RGS7: variants seen among roughly 807,000 people sequenced by gnomAD.
The protein encoded by RGS7 is regulator of G-protein signaling 7.
RGS7 carries 27 observed loss-of-function variants against 81.1 expected under a neutral mutation model. The ratio of observed to expected loss-of-function variants is 0.33; its 90% confidence interval spans 0.25 to 0.46. The LOEUF (loss-of-function observed/expected upper bound fraction) is 0.46, where lower values mean the gene tolerates loss of function less well. RGS7 is among the 20% of genes least tolerant of loss of function. RGS7 has a pLI of 1.00. For missense variants in RGS7, 396 were observed against 607.4 expected (o/e 0.65, Z 3.66); for synonymous variants, 208 against 207.7 (o/e 1.00, Z -0.01).
intron 18 of RGS7, among the ~76,000 whole-genome samples, chr1:240,786,624 G>A (rs895594372): frequency 7.9e-5 from 12 of 151,994 alleles, no homozygotes; most frequent in South Asian, 4.1e-4. Context: ...ATACAAATAC[G>A]CACAAACACA....
chr1:241,015,527 A>G (rs2059175737), intron 3 of RGS7, among the ~76,000 whole-genome samples: 1 of 152,206 alleles, frequency 6.6e-6, no homozygotes, highest in Non-Finnish European at 1.5e-5. Flanking sequence ...TTTATAAACA[A>G]AGTACATACT....
intron 2 of RGS7, among the ~76,000 whole-genome samples, chr1:241,203,997 G>T (rs914213188): frequency 1.3e-5 from 2 of 152,152 alleles, no homozygotes; most frequent in African/African-American, 4.8e-5. Flanking sequence ...AGCTACTCTT[G>T]CCCTTTCAAA....
chr1:241,291,578 T>C (rs996534324), intron 2 of RGS7, among the ~76,000 whole-genome samples: 1 of 143,834 alleles, frequency 7.0e-6, no homozygotes, highest in African/African-American at 2.6e-5. Context: ...AGCTTTTTTT[T>C]TTTTTTTTTG....
At chr1:241,236,207 A>C (rs2075968543) in intron 2 of RGS7, among the ~76,000 whole-genome samples, 1 of 148,782 alleles carries the variant, frequency 6.7e-6, no homozygotes, top group African/African-American at 2.5e-5. Flanking sequence ...TGAATGCATG[A>C]ATACCGTAAA....
intron 3 of RGS7, among the ~76,000 whole-genome samples, chr1:241,001,383 G>T (rs912261153): frequency 2.0e-5 from 3 of 152,020 alleles, no homozygotes; most frequent in African/African-American, 7.2e-5. Flanking sequence ...TATAAAAAAG[G>T]CAACAATTTT....
In RGS7 at chr1:240,868,244, G is replaced by A. The variant is rs1663823456; in HGVS notation, c.609+343C>T. Among the ~76,000 whole-genome samples the A allele has an allele frequency of 2.6e-5, 4 of 152,184 alleles. No homozygotes were observed. The East Asian group carries it at 7.7e-4, about 29-fold the overall frequency. ...GAAAATCAGGGCAGGAATAACACTT[G>A]TACTATGAAGCCAGAAAAATGTAAA... On this transcript the variant is annotated intron_variant, in intron 9 of 18. Coordinates refer to ENST00000440928, the MANE Select transcript of RGS7 (RefSeq NM_001364886.1). The surrounding 1 kb of genome is among the most constrained non-coding windows in gnomAD (Gnocchi z 5.1).
intron 2 of RGS7, among the ~76,000 whole-genome samples, chr1:241,339,238 G>A (rs1014115695): frequency 5.3e-5 from 8 of 152,088 alleles, no homozygotes; most frequent in African/African-American, 1.5e-4. Flanking sequence ...TTAAGGCTGC[G>A]TAGTATTCCA....
intron 3 of RGS7, among the ~76,000 whole-genome samples, chr1:241,074,557 C>T (rs927984213): frequency 1.7e-4 from 26 of 152,332 alleles, no homozygotes; most frequent in African/African-American, 5.8e-4. Context: ...ACTGGCTTCA[C>T]GTTCAGACAG....
chr1:240,888,633 G>T (rs1468243605), intron 6 of RGS7, among the ~76,000 whole-genome samples: 5 of 152,214 alleles, frequency 3.3e-5, no homozygotes, highest in Non-Finnish European at 7.3e-5. Flanking sequence ...CATGAGCCAA[G>T]AACTATTCAA....
At chr1:241,145,814 C>T (rs929257389) in intron 2 of RGS7, among the ~76,000 whole-genome samples, 12 of 152,148 alleles carry the variant, frequency 7.9e-5, no homozygotes, top group African/African-American at 1.4e-4. Flanking sequence ...CATGATCTTA[C>T]TCCCAGTTTA....
chr1:241,080,709 C>T (rs74672925), intron 3 of RGS7, among the ~76,000 whole-genome samples: 5,507 of 152,208 alleles, frequency 0.036, 163 homozygotes, highest in East Asian at 0.14. Flanking sequence ...GTTGTGTATG[C>T]GTTATCCAGA....
At chr1:240,894,985 G>T (rs1379839471) in intron 6 of RGS7, among the ~76,000 whole-genome samples, 1 of 152,156 alleles carries the variant, frequency 6.6e-6, no homozygotes, top group African/African-American at 2.4e-5. Context: ...GGGGCCTGGT[G>T]GGAGGTGTTT....
At chr1:241,099,150 G>A (rs754088085) in intron 2 of RGS7, among the ~76,000 whole-genome samples, 1 of 152,124 alleles carries the variant, frequency 6.6e-6, no homozygotes, top group Non-Finnish European at 1.5e-5. Context: ...AGCAAGTAGA[G>A]CCTTAAAAGC....
chr1:240,780,150 A>G (rs1325327383), intron 18 of RGS7, among the ~76,000 whole-genome samples: 1 of 152,172 alleles, frequency 6.6e-6, no homozygotes, highest in Non-Finnish European at 1.5e-5. Context: ...ATTTATATTT[A>G]AAAAGTGCTT....
At chr1:241,205,999 GTT>G (rs111764449) in intron 2 of RGS7, among the ~76,000 whole-genome samples, 2 of 144,144 alleles carry the variant, frequency 1.4e-5, no homozygotes, top group Non-Finnish European at 1.5e-5. Flanking sequence ...TTTCGTAAGT[GTT>G]TTTTTTTTTT....
At chr1:241,242,213 A>C (rs1176332212) in intron 2 of RGS7, among the ~76,000 whole-genome samples, 1 of 151,746 alleles carries the variant, frequency 6.6e-6, no homozygotes, top group East Asian at 1.9e-4. Context: ...TCGGCTTTCC[A>C]TCCCTCAGTT....
Position 240,870,003 on chromosome 1 carries a change from T to C in RGS7, c.450+52A>G, listed in dbSNP as rs2148028391. The C allele has an allele frequency of 2.8e-6, 4 of 1,432,962 alleles. No individual in the cohort carries two copies. The East Asian group carries it at 9.1e-5, about 33-fold the overall frequency. 88.8% of individuals were successfully genotyped at this position (1,432,962 alleles called of 1,614,324 possible). ...TCCTGCCCAGAAAAGGCTGTGGGCC[T>C]TACTGCTGTGCATTCTATGACTATC... is the stretch of plus-strand genomic sequence containing the variant. On this transcript the variant is annotated intron_variant, in intron 7 of 18. Transcript: ENST00000440928.
chr1:241,071,481 A>T (rs1431852410), intron 3 of RGS7, among the ~76,000 whole-genome samples: 11 of 129,794 alleles, frequency 8.5e-5, no homozygotes, highest in African/African-American at 1.1e-4. Flanking sequence ...AAAATATGTC[A>T]GGCCTATGTT....
intron 18 of RGS7, among the ~76,000 whole-genome samples, chr1:240,793,611 A>ATATATATATATATATATATTTTT: frequency 1.6e-3 from 124 of 78,678 alleles, no homozygotes; most frequent in Non-Finnish European, 2.0e-3. Context: ...ATATATATAT[A>ATATATATATATATATATATTTTT]TTTTTTTTTT....
Sources: allele counts gnomAD v4.1 joint callset (sites outside exome capture counted in the v4.1 genomes callset), GRCh38; gene constraint gnomAD v4.1.1; non-coding constraint Gnocchi (gnomAD v3.1); transcripts MANE v1.5; gene names NCBI Gene and HGNC (gene_info 2026-07-23, HGNC 2026-07-21).